The following SPEN variants were observed in gnomAD, a reference collection of about 807,000 sequenced individuals.
The protein encoded by SPEN is msx2-interacting protein.
Under a neutral mutation model 269.9 loss-of-function variants are expected in SPEN, and 18 were observed. That is an observed-to-expected ratio of 0.07 (90% confidence interval 0.05 to 0.10). SPEN has a LOEUF of 0.10. Ranked by LOEUF, SPEN falls within the 10% of genes least tolerant of loss-of-function variation. The pLI is 1.00. For missense variants in SPEN, 3,822 were observed against 4,631.2 expected, an observed-to-expected ratio of 0.83 and a Z score of 5.07; for synonymous variants, 1,726 against 1,765.7, an observed-to-expected ratio of 0.98 and a Z score of 0.56.
At chr1:15,919,910 C>G (rs2071101707) in intron 8 of SPEN, among the ~76,000 whole-genome samples, 1 of 152,078 alleles carries the variant, frequency 6.6e-6, no homozygotes, top group South Asian at 2.1e-4. Context: ...GAATATTCAT[C>G]TAACCAATGA....
chr1:15,850,485 T>C (rs1199683321), intron 1 of SPEN, among the ~76,000 whole-genome samples: 2 of 152,026 alleles, frequency 1.3e-5, no homozygotes, highest in African/African-American at 4.8e-5. Flanking sequence ...GTGAAAGGTA[T>C]ACAGAGAAAA....
chr1:15,878,158 A>G (rs886352100), intron 3 of SPEN, among the ~76,000 whole-genome samples: 2 of 152,192 alleles, frequency 1.3e-5, no homozygotes, highest in Non-Finnish European at 2.9e-5. Context: ...AAATGCTGCT[A>G]TTCAATTTGT....
chr1:15,883,788 T>A (rs1270696666), intron 3 of SPEN, among the ~76,000 whole-genome samples: 1 of 147,998 alleles, frequency 6.8e-6, no homozygotes, highest in African/African-American at 2.5e-5. Flanking sequence ...TTTTTCCTAA[T>A]GTTAGACAAT....
intron 1 of SPEN, among the ~76,000 whole-genome samples, chr1:15,850,219 T>C (rs1422054933): frequency 6.6e-6 from 1 of 152,130 alleles, no homozygotes; most frequent in Non-Finnish European, 1.5e-5. Context: ...CGAGCTGCCT[T>C]GGAAAGCGGC....
chr1:15,882,496 C>T (rs1043739683), intron 3 of SPEN, among the ~76,000 whole-genome samples: 5 of 152,012 alleles, frequency 3.3e-5, no homozygotes, highest in African/African-American at 1.2e-4. Context: ...CCCATCTCTA[C>T]TAAAAATACA....
intron 1 of SPEN, among the ~76,000 whole-genome samples, chr1:15,870,395 G>C (rs1244016951): frequency 6.6e-6 from 1 of 151,740 alleles, no homozygotes; most frequent in Non-Finnish European, 1.5e-5. Context: ...CCCATAGCAG[G>C]ATTTCAAAAC....
Position 15,930,111 on chromosome 1 carries a change from G to A in SPEN, c.3871G>A (p.Asp1291Asn), listed in dbSNP as rs769662499. The A allele has an allele frequency of 1.2e-6, 2 of 1,614,178 alleles. No homozygotes were observed. Among genetic ancestry groups the A allele is most frequent in the Non-Finnish European group, 1.7e-6 (2 of 1,180,044 alleles). Reference sequence around the variant, plus strand: ...GTCAGTAAAAGGGTCTCCTAAAGTAGATGAAAAAGTCCTCCCCTATTCTAA... The same window carrying A: ...GTCAGTAAAAGGGTCTCCTAAAGTAAATGAAAAAGTCCTCCCCTATTCTAA... ...LLSVKGSPKV[D>N]EKVLPYSNIT... is the part of the protein sequence containing the mutation. The change falls in exon 11 of 15, where the codon GAT (aspartate) becomes AAT (asparagine). Residue 1291 changes from aspartate (D) to asparagine (N), a missense_variant. By Grantham distance (23) the Asp-to-Asn change is conservative. Around this residue, in one of 16 missense-constraint regions of SPEN, gnomAD observed 267 missense variants for 315.5 expected, o/e 0.85. Transcript: ENST00000375759. This position sits in a 1 kb window ranked among gnomAD's most constrained non-coding sequence, Gnocchi z 5.3.
At chr1:15,882,063 G>A (rs1273623567) in intron 3 of SPEN, among the ~76,000 whole-genome samples, 2 of 152,112 alleles carry the variant, frequency 1.3e-5, no homozygotes, top group African/African-American at 4.8e-5. Context: ...GTAAACATGG[G>A]ATTAATGGCA....
intron 10 of SPEN, among the ~76,000 whole-genome samples, chr1:15,923,671 TG>T (rs1456774198): frequency 6.6e-6 from 1 of 150,828 alleles, no homozygotes; most frequent in Non-Finnish European, 1.5e-5. Flanking sequence ...GAATACTTTG[TG>T]CTTTTTTTTT....
At chr1:15,901,854 A>G (rs1228217727) in intron 3 of SPEN, among the ~76,000 whole-genome samples, 3 of 151,230 alleles carry the variant, frequency 2.0e-5, no homozygotes, top group Admixed American at 1.3e-4. Flanking sequence ...TGAAATTTAA[A>G]CTTTAAAATT....
chr1:15,938,709 C>T lies in SPEN; in HGVS notation c.10705-9C>T, dbSNP rs1279248005. ...GCCCCTGCTCACTGGCAGCTGGCCT[C>T]TGCCTCAGGTGGAGACAGATTACTG... On this transcript the variant is annotated splice_polypyrimidine_tract_variant and intron_variant, in intron 13 of 14. Coordinates refer to ENST00000375759, the MANE Select transcript of SPEN (RefSeq NM_015001.3). 1 of 1,610,140 alleles carries T rather than the reference C, an allele frequency of 6.2e-7. No homozygotes were observed. The highest frequency in any genetic ancestry group is 1.3e-5 in the African/African-American group (1 of 74,898).
chr1:15,881,091 C>T (rs529317660), intron 3 of SPEN, among the ~76,000 whole-genome samples: 1 of 152,198 alleles, frequency 6.6e-6, no homozygotes, highest in South Asian at 2.1e-4. Context: ...GTTTCAGTCT[C>T]CTGAGTAGCT....
intron 1 of SPEN, among the ~76,000 whole-genome samples, chr1:15,865,276 C>G (rs577778647): frequency 1.5e-4 from 23 of 151,980 alleles, no homozygotes; most frequent in African/African-American, 5.5e-4. Context: ...TGGTCTCAAA[C>G]TCCTGACCTC....
At position 15,933,373 on chromosome 1, in the gene SPEN, C is replaced by G. The variant is rs377692000; in HGVS notation, c.7133C>G (p.Pro2378Arg). 1.3e-5 allele frequency: 21 copies of G among 1,614,170 alleles called. No homozygotes were observed. Among genetic ancestry groups the G allele is most frequent in the Non-Finnish European group, 1.8e-5 (21 of 1,180,040 alleles). The change falls in exon 11 of 15, where the codon CCC (proline) becomes CGC (arginine). Residue 2378 changes from proline to arginine, a missense_variant. By Grantham distance (103) the Pro-to-Arg change is moderately radical. Around this residue, in one of 16 missense-constraint regions of SPEN, gnomAD observed 727 missense variants for 737.9 expected, o/e 0.99. Coordinates refer to ENST00000375759, the MANE Select transcript of SPEN (RefSeq NM_015001.3). The surrounding 1 kb of genome is among the most constrained non-coding windows in gnomAD (Gnocchi z 5.7). ...AANEGTTVQH[P>R]EAPQEEKQSE... ...AATGAGGGGACAACAGTACAGCACC[C>G]CGAAGCCCCACAGGAAGAAAAGCAG...
intron 5 of SPEN, among the ~76,000 whole-genome samples, 189 bp from the exon 6 acceptor site, chr1:15,915,939 T>G (rs2071063260): frequency 1.3e-5 from 2 of 152,252 alleles, no homozygotes; most frequent in African/African-American, 4.8e-5. Flanking sequence ...AGCCTTTGTA[T>G]TCCTTTTTTG....
rs992292363 is a variant in SPEN at position 15,940,320 on chromosome 1, C to T, written c.*893C>T. Reference sequence around the variant, plus strand: ...CACGGCACCTGTACAAAAAGACTGGCTAACCCCTCTTCCTATTACCTTGAT... The same window carrying T: ...CACGGCACCTGTACAAAAAGACTGGTTAACCCCTCTTCCTATTACCTTGAT... On this transcript the variant is annotated 3_prime_UTR_variant, in exon 15 of 15. Transcript: ENST00000375759. 22 of 233,150 alleles carry T rather than the reference C, an allele frequency of 9.4e-5. No homozygotes were observed. The highest frequency in any genetic ancestry group is 3.4e-4 in the Admixed American group (6 of 17,758). 14.4% of individuals were successfully genotyped at this position (233,150 alleles called of 1,614,324 possible). A position where few individuals can be genotyped will look rare whatever the true frequency, so the allele number is the denominator to read the frequency against.
At chr1:15,909,205 C>G (rs2070989135) in intron 3 of SPEN, 116 bp from the exon 4 acceptor site, 1 of 1,097,468 alleles carries the variant, frequency 9.1e-7, no homozygotes, top group East Asian at 2.4e-5. Context: ...AATGCAGGGC[C>G]TCCAGAAATT....
intron 10 of SPEN, among the ~76,000 whole-genome samples, chr1:15,924,734 A>G (rs2071150936): frequency 6.6e-6 from 1 of 152,228 alleles, no homozygotes; most frequent in South Asian, 2.1e-4. Context: ...TGCTGGGATT[A>G]CAGATGTGAG....
intron 4 of SPEN, among the ~76,000 whole-genome samples, chr1:15,909,726 T>C (rs1189433518): frequency 6.6e-6 from 1 of 152,222 alleles, no homozygotes; most frequent in Non-Finnish European, 1.5e-5. Context: ...ACATTGGTCA[T>C]GTTGAGCATG....
Sources: allele counts gnomAD v4.1 joint callset (sites outside exome capture counted in the v4.1 genomes callset), GRCh38; gene constraint gnomAD v4.1.1; regional missense constraint gnomAD v4.1.1; non-coding constraint Gnocchi (gnomAD v3.1); transcripts MANE v1.5; gene names NCBI Gene and HGNC (gene_info 2026-07-23, HGNC 2026-07-21).